Variants in RIMS2 observed in about 807,000 individuals in gnomAD.
RIMS2 encodes the protein regulating synaptic membrane exocytosis 2, also known as regulating synaptic membrane exocytosis protein 2.
RIMS2 carries 59 observed loss-of-function variants against 174.4 expected under a neutral mutation model. The observed-to-expected ratio is 0.34, with a 90% CI of 0.27 to 0.42. The LOEUF is 0.42. RIMS2 is among the 10% of genes least tolerant of loss of function. RIMS2 has a pLI of 1.00. For synonymous variants in RIMS2, 606 were observed against 572.5 expected (o/e 1.06, Z -0.84); for missense variants, 1,620 against 1,666.3 (o/e 0.97, Z 0.48).
At chr8:103,606,552 T>C (rs1446994461) in intron 1 of RIMS2, among the ~76,000 whole-genome samples, 1 of 152,198 alleles carries the variant, frequency 6.6e-6, no homozygotes, top group East Asian at 1.9e-4. Context: ...TTCCTGGGTA[T>C]CCCTGTTGAC....
At chr8:103,988,490 G>C (rs902927925) in intron 16 of RIMS2, among the ~76,000 whole-genome samples, 2 of 152,012 alleles carry the variant, frequency 1.3e-5, no homozygotes, top group African/African-American at 2.4e-5. Context: ...ATGGAGTTTC[G>C]CTCTTGTTGC....
At chr8:104,086,506 T>C (rs1414246374) in intron 19 of RIMS2, among the ~76,000 whole-genome samples, 2 of 152,178 alleles carry the variant, frequency 1.3e-5, no homozygotes, top group Middle Eastern at 3.4e-3. Flanking sequence ...TGATTACTAA[T>C]AGACATTGAG....
intron 21 of RIMS2, among the ~76,000 whole-genome samples, chr8:104,249,070 A>G (rs1237567527): frequency 2.0e-5 from 3 of 151,202 alleles, no homozygotes; most frequent in African/African-American, 4.9e-5. Context: ...CTGGGACTAC[A>G]GGCACACGCC....
At chr8:103,794,979 T>C (rs2098537811) in intron 3 of RIMS2, among the ~76,000 whole-genome samples, 1 of 152,344 alleles carries the variant, frequency 6.6e-6, no homozygotes, top group East Asian at 1.9e-4. Context: ...ACTTTTACAC[T>C]GTTGGTGGGA....
intron 2 of RIMS2, among the ~76,000 whole-genome samples, chr8:103,754,920 C>T (rs146155374): frequency 2.0e-4 from 30 of 152,208 alleles, no homozygotes; most frequent in African/African-American, 7.0e-4. Context: ...ACCTTTAGCC[C>T]GTTTTACATT....
chr8:103,785,598 C>T (rs934461004), intron 3 of RIMS2, among the ~76,000 whole-genome samples: 5 of 152,078 alleles, frequency 3.3e-5, no homozygotes, highest in African/African-American at 1.2e-4. Flanking sequence ...ATTGAGCCAG[C>T]CTTGCATCCC....
At chr8:103,665,370 A>C (rs917208666) in intron 1 of RIMS2, among the ~76,000 whole-genome samples, 1 of 152,242 alleles carries the variant, frequency 6.6e-6, no homozygotes, top group Non-Finnish European at 1.5e-5. Flanking sequence ...CCTTGGTATT[A>C]TGTTTGCACA....
At chr8:104,101,069 ATATAT>A (rs1450648341) in intron 19 of RIMS2, among the ~76,000 whole-genome samples, 31 of 143,406 alleles carry the variant, frequency 2.2e-4, no homozygotes, top group Non-Finnish European at 2.7e-4. Context: ...AATATATGTT[ATATAT>A]TATATTATAT....
intron 1 of RIMS2, among the ~76,000 whole-genome samples, chr8:103,688,039 CACAA>C (rs1057093484): frequency 2.4e-4 from 36 of 152,048 alleles, no homozygotes; most frequent in African/African-American, 8.4e-4. Flanking sequence ...TCATGTTGTC[CACAA>C]ACAGAGACAA....
At chr8:103,793,331 A>G (rs1485992776) in intron 3 of RIMS2, among the ~76,000 whole-genome samples, 1 of 152,168 alleles carries the variant, frequency 6.6e-6, no homozygotes, top group Non-Finnish European at 1.5e-5. Context: ...GACAAAAACC[A>G]CATGATTATC....
At chr8:103,970,082 G>A (rs1356816738) in intron 15 of RIMS2, among the ~76,000 whole-genome samples, 2 of 151,986 alleles carry the variant, frequency 1.3e-5, no homozygotes, top group Non-Finnish European at 1.5e-5. Flanking sequence ...TTTTTTTATT[G>A]ATAGGCAGAT....
intron 2 of RIMS2, among the ~76,000 whole-genome samples, chr8:103,730,960 C>A (rs954385567): frequency 5.3e-5 from 8 of 152,178 alleles, no homozygotes; most frequent in African/African-American, 1.7e-4. Context: ...GCCTCACAGT[C>A]ATGGCAGAAG....
intron 3 of RIMS2, among the ~76,000 whole-genome samples, chr8:103,820,259 C>T (rs1288932778): frequency 2.0e-5 from 3 of 151,992 alleles, no homozygotes; most frequent in East Asian, 1.9e-4. Context: ...CTCTGGCTTA[C>T]ACTAAAAGAT....
intron 3 of RIMS2, among the ~76,000 whole-genome samples, chr8:103,884,123 G>A (rs1451198109): frequency 6.6e-6 from 1 of 151,798 alleles, no homozygotes; most frequent in Non-Finnish European, 1.5e-5. Flanking sequence ...AATATGAGGG[G>A]AAAAGGGATT....
intron 19 of RIMS2, among the ~76,000 whole-genome samples, chr8:104,216,475 A>G (rs1053846431): frequency 6.6e-6 from 1 of 152,204 alleles, no homozygotes; most frequent in African/African-American, 2.4e-5. Flanking sequence ...GGATTCAAAT[A>G]TTGGGTTTGC....
chr8:103,876,202 C>G (rs764694160), intron 3 of RIMS2, among the ~76,000 whole-genome samples: 1 of 151,718 alleles, frequency 6.6e-6, no homozygotes, highest in Non-Finnish European at 1.5e-5. Flanking sequence ...AAGAGTTTTT[C>G]CTAAGTTTTC....
At chr8:104,193,475 T>C (rs1189671991) in intron 19 of RIMS2, among the ~76,000 whole-genome samples, 1 of 152,178 alleles carries the variant, frequency 6.6e-6, no homozygotes, top group Non-Finnish European at 1.5e-5. Context: ...TTTGGATTTA[T>C]GGAGTCGACC....
chr8:103,631,803 T>C (rs892172613), intron 1 of RIMS2, among the ~76,000 whole-genome samples: 1 of 152,238 alleles, frequency 6.6e-6, no homozygotes, highest in African/African-American at 2.4e-5. Context: ...TCTGATTTCG[T>C]TGAGCAGTGT....
At chr8:103,800,104 A>G (rs1243694645) in intron 3 of RIMS2, among the ~76,000 whole-genome samples, 1 of 152,090 alleles carries the variant, frequency 6.6e-6, no homozygotes, top group East Asian at 1.9e-4. Context: ...TTCTCACATC[A>G]CTGGTTTTTG....
Sources: gnomAD v4.1 joint callset for allele counts (sites outside exome capture counted in the v4.1 genomes callset) on GRCh38, gnomAD v4.1.1 for gene constraint, MANE v1.5 for transcripts, NCBI Gene and HGNC (gene_info 2026-07-23, HGNC 2026-07-21) for gene names.